Variants in FAM107A observed in about 807,000 individuals in gnomAD.
FAM107A encodes actin-associated protein FAM107A.
Under a neutral mutation model 13.7 loss-of-function variants are expected in FAM107A, and 19 were observed. The ratio of observed to expected loss-of-function variants is 1.38; its 90% CI spans 0.97 to 2.03. The LOEUF (loss-of-function observed/expected upper bound fraction) is 2.03. Among genes scored for constraint, FAM107A ranks in the 30% most tolerant of loss-of-function variants. FAM107A has a pLI of 0.00. For synonymous variants in FAM107A, 82 were observed against 74.5 expected, an observed-to-expected ratio of 1.10 and a Z score of -0.52; for missense variants, 203 against 184.4, an observed-to-expected ratio of 1.10 and a Z score of -0.58.
At position 58,595,996 on chromosome 3, in the gene FAM107A, G is replaced by T. The variant is rs139915752; in HGVS notation, c.-69-6727C>A. Among the ~76,000 whole-genome samples the T allele has an allele frequency of 9.5e-4, 144 of 152,286 alleles. 1 individual carries two copies. Among genetic ancestry groups the T allele is most frequent in the African/African-American group, 3.3e-3 (138 of 41,548 alleles). ...AGATGCTGGCTTAATTATAATTTTG[G>T]TTAGTGAAAGTTAGCAGACATAAAT... On this transcript the variant is annotated intron_variant, in intron 1 of 3. Coordinates refer to the FAM107A transcript ENST00000465970.
At chr3:58,624,287 AC>A (rs901978769) in intron 1 of FAM107A, among the ~76,000 whole-genome samples, 15 of 151,904 alleles carry the variant, frequency 9.9e-5, no homozygotes, top group Admixed American at 9.2e-4. Flanking sequence ...TCTTGCAAAA[AC>A]CCTGATAGAG....
chr3:58,606,668 C>T (rs147372020), intron 1 of FAM107A, among the ~76,000 whole-genome samples: 19 of 152,360 alleles, frequency 1.2e-4, no homozygotes, highest in African/African-American at 4.3e-4. Flanking sequence ...ACTCTTGGCT[C>T]ACCTAACACT....
In FAM107A at chr3:58,566,593, G is replaced by A. The variant is rs529258447; in HGVS notation, c.430C>T (p.Leu144=). The A allele has an allele frequency of 8.7e-6, 14 of 1,612,214 alleles. No individual in the cohort carries two copies. In the Admixed American group the frequency reaches 1.7e-4, roughly 19 times the overall value. ...CCTGAGCCCGGCAGCTGGCCCTACA[G>A]CTCTCTCTCTTCGCTGGTCAGTGTG... The part of the protein sequence containing the change: ...IATLTSEERE[L] The change falls in exon 4 of 4, where the codon CTG becomes TTG. Residue 144 remains leucine (L), a synonymous_variant. Coordinates refer to ENST00000360997, the MANE Select transcript of FAM107A (RefSeq NM_001076778.3).
intron 1 of FAM107A, among the ~76,000 whole-genome samples, chr3:58,611,733 G>A (rs1393628646): frequency 6.6e-6 from 1 of 152,228 alleles, no homozygotes; most frequent in East Asian, 1.9e-4. Flanking sequence ...CCTTCACAAG[G>A]CACCTGACTT....
intron 1 of FAM107A, among the ~76,000 whole-genome samples, chr3:58,614,389 C>CAA (rs2065882032): frequency 8.5e-5 from 13 of 152,164 alleles, no homozygotes; most frequent in Admixed American, 6.5e-4. Context: ...TTTCTATTGT[C>CAA]TAGAAGACTC....
chr3:58,566,847 G>C (rs1279501540), intron 3 of FAM107A, 152 bp from the exon 4 acceptor site: 1 of 649,508 alleles, frequency 1.5e-6, no homozygotes, highest in South Asian at 1.8e-5. Flanking sequence ...CTGGGGCACA[G>C]AGCATGAGAC....
At chr3:58,579,300 G>A (rs941783956), upstream of FAM107A, among the ~76,000 whole-genome samples, 3 of 152,134 alleles carry the variant, frequency 2.0e-5, no homozygotes, top group African/African-American at 7.2e-5. Context: ...TGGAGTGGGA[G>A]GGACAGGGCA....
chr3:58,610,032 C>T (rs4681874), intron 1 of FAM107A, among the ~76,000 whole-genome samples: 134,617 of 152,212 alleles, frequency 0.88, 59,582 homozygotes, highest in Admixed American at 0.91. Flanking sequence ...TGCAGATAGG[C>T]CGTGTGAGGC....
At chr3:58,588,278 T>C (rs961518352), upstream of FAM107A, among the ~76,000 whole-genome samples, 1 of 152,266 alleles carries the variant, frequency 6.6e-6, no homozygotes, top group Non-Finnish European at 1.5e-5. Flanking sequence ...TTGAGCTGAC[T>C]GTTGTGGTCT....
At chr3:58,586,581 C>G (rs1428520212) in intron 1 of FAM107A, among the ~76,000 whole-genome samples, 2 of 151,868 alleles carry the variant, frequency 1.3e-5, no homozygotes, top group Non-Finnish European at 2.9e-5. Flanking sequence ...CCCAGCTACT[C>G]GGGAGGCTGA....
intron 1 of FAM107A, among the ~76,000 whole-genome samples, chr3:58,570,855 C>T (rs987863301): frequency 1.3e-5 from 2 of 152,212 alleles, no homozygotes; most frequent in Non-Finnish European, 2.9e-5. Flanking sequence ...TTGGTAATTG[C>T]CAATGCAACT....
intron 1 of FAM107A, among the ~76,000 whole-genome samples, chr3:58,614,891 C>T (rs1463769646): frequency 3.3e-5 from 5 of 152,286 alleles, no homozygotes; most frequent in South Asian, 2.1e-4. Context: ...CTGCAACCTC[C>T]GCCTCCCGGG....
rs796921828 is a variant in FAM107A at position 58,569,717 on chromosome 3, G to T, written c.144C>A (p.His48Gln). 6.2e-7 allele frequency: 1 copy of T among 1,613,768 alleles called. No homozygotes were observed. Among genetic ancestry groups the T allele is most frequent in the Non-Finnish European group, 8.5e-7 (1 of 1,179,800 alleles). ...TTCTGTGGTTCATGAGCAGCTCCCGGTGGAGCTCCTGGTGACTCCGAGAGG... is the reference window on the plus strand; with the variant it reads ...TTCTGTGGTTCATGAGCAGCTCCCGTTGGAGCTCCTGGTGACTCCGAGAGG... Reference protein sequence around the residue: ...VKASRSHQELHRELLMNHRRG... With the variant: ...VKASRSHQELQRELLMNHRRG... The change falls in exon 2 of 4, where the codon CAC becomes CAA. Residue 48 changes from histidine to glutamine, a missense_variant. His to Gln is a conservative substitution (Grantham distance 24). Coordinates refer to ENST00000360997, the MANE Select transcript of FAM107A (RefSeq NM_001076778.3). The surrounding 1 kb of genome is among the most constrained non-coding windows in gnomAD (Gnocchi z 5.7).
rs923057462 is a variant in FAM107A, at chr3:58,604,012, G to T, written c.-69-14743C>A. 6.6e-6 allele frequency among the ~76,000 whole-genome samples: 1 copy of T among 152,158 alleles called. No individual in the cohort carries two copies. The highest frequency in any genetic ancestry group is 1.5e-5 in the Non-Finnish European group (1 of 68,022). On this transcript the variant is annotated intron_variant, in intron 1 of 3. Transcript: ENST00000465970. The surrounding 1 kb of genome is among the most constrained non-coding windows in gnomAD (Gnocchi z 4.1). ...AAAAGGAAAGAGGTTGAGGCCGTGG[G>T]TGGAAGCCCTCCCAATAGCCCCTGC...
At chr3:58,572,095 A>G (rs954632324) in intron 1 of FAM107A, among the ~76,000 whole-genome samples, 2 of 152,210 alleles carry the variant, frequency 1.3e-5, no homozygotes, top group African/African-American at 4.8e-5. Flanking sequence ...GCCAGATACA[A>G]AATAAGTACA....
At chr3:58,607,851 C>T (rs754298097) in intron 1 of FAM107A, 18 of 152,164 alleles carry the variant, frequency 1.2e-4, no homozygotes, top group Non-Finnish European at 2.1e-4. Context: ...TGAATGAGCA[C>T]GGAAGTGAAC....
At chr3:58,584,305 C>T (rs2065580405) in intron 1 of FAM107A, among the ~76,000 whole-genome samples, 1 of 152,128 alleles carries the variant, frequency 6.6e-6, no homozygotes, top group East Asian at 1.9e-4. Flanking sequence ...TACATCCCTG[C>T]ACCTTGGAAA....
chr3:58,610,852 T>C (rs1439653413), intron 1 of FAM107A, among the ~76,000 whole-genome samples: 1 of 152,194 alleles, frequency 6.6e-6, no homozygotes, highest in Non-Finnish European at 1.5e-5. Context: ...CTGCCTCTGG[T>C]CTGGGCTGCT....
intron 1 of FAM107A, among the ~76,000 whole-genome samples, chr3:58,575,891 C>G (rs2063726761): frequency 1.3e-5 from 2 of 152,230 alleles, no homozygotes; most frequent in South Asian, 4.1e-4. Flanking sequence ...TCCTGTGCCC[C>G]CACTTCCTCA....
Sources: allele counts gnomAD v4.1 joint callset (sites outside exome capture counted in the v4.1 genomes callset), GRCh38; gene constraint gnomAD v4.1.1; non-coding constraint Gnocchi (gnomAD v3.1); transcripts MANE v1.5; gene names NCBI Gene and HGNC (gene_info 2026-07-23, HGNC 2026-07-21).